The following SH3GL3 variants were observed in gnomAD, a reference collection of about 807,000 sequenced individuals.
The protein encoded by SH3GL3 is endophilin-A3.
SH3GL3 carries 33 observed loss-of-function variants against 47.7 expected under a neutral mutation model. The ratio of observed to expected loss-of-function variants is 0.69; its 90% CI spans 0.52 to 0.92. SH3GL3 has a LOEUF of 0.92. SH3GL3 is among the 40% of genes least tolerant of loss of function. The probability of loss-of-function intolerance (pLI) is 0.00; values close to 1 mark genes in which losing one functional copy is unlikely to be tolerated. For missense variants in SH3GL3, 363 were observed against 417.8 expected, an observed-to-expected ratio of 0.87 and a Z score of 1.14; for synonymous variants, 155 against 148.8, an observed-to-expected ratio of 1.04 and a Z score of -0.30.
the SH3GL3 span, among the ~76,000 whole-genome samples, chr15:83,625,582 G>T: frequency 6.6e-6 from 1 of 152,102 alleles, no homozygotes; most frequent in African/African-American, 2.4e-5. Context: ...TTCCAAGTTT[G>T]ATTCCAGCAT....
chr15:83,534,562 TG>T (rs1465108681), intron 1 of SH3GL3, among the ~76,000 whole-genome samples: 1 of 152,086 alleles, frequency 6.6e-6, no homozygotes, highest in Non-Finnish European at 1.5e-5. Context: ...AAAGAACACT[TG>T]ACTTCATAAA....
chr15:83,456,508 G>A (rs1228310236), intron 1 of SH3GL3, among the ~76,000 whole-genome samples: 31 of 75,076 alleles, frequency 4.1e-4, no homozygotes, highest in East Asian at 7.6e-4. Flanking sequence ...ATATAGTCTC[G>A]TGGTGCGCCG....
chr15:83,487,478 T>C (rs2151571358), intron 1 of SH3GL3, among the ~76,000 whole-genome samples: 1 of 152,314 alleles, frequency 6.6e-6, no homozygotes, highest in East Asian at 1.9e-4. Flanking sequence ...AATGTGCCCT[T>C]ATTTTCTGTT....
In SH3GL3 at chr15:83,576,727, T is replaced by G. The variant is rs770998694; in HGVS notation, c.610T>G (p.Phe204Val). Reference protein sequence around the residue: ...KELAERSMFNFLENDVEQVSQ... With the variant: ...KELAERSMFNVLENDVEQVSQ... ...GTTGGCTGAAAGAAGCATGTTTAAC[T>G]TTTTAGAAAATGATGTAAGTATTTA... Residue 204 changes from phenylalanine (F) to valine (V), a missense_variant, in exon 6 of 9, where the codon TTT (phenylalanine) becomes GTT (valine). Transcript: ENST00000427482. 1 of 1,602,832 alleles carries G rather than the reference T, an allele frequency of 6.2e-7. No homozygotes were observed. Among genetic ancestry groups the G allele is most frequent in the Non-Finnish European group, 8.5e-7 (1 of 1,175,264 alleles).
chr15:83,606,449 AT>A (rs537709408), intron 8 of SH3GL3, among the ~76,000 whole-genome samples: 3 of 152,178 alleles, frequency 2.0e-5, no homozygotes, highest in Non-Finnish European at 2.9e-5. Flanking sequence ...AATATATGCA[AT>A]TTTTTTAACC....
At chr15:83,519,184 A>T (rs1267194765) in intron 1 of SH3GL3, among the ~76,000 whole-genome samples, 1 of 152,172 alleles carries the variant, frequency 6.6e-6, no homozygotes, top group Non-Finnish European at 1.5e-5. Flanking sequence ...ACTTTAGAAT[A>T]GTTTTCTCTA....
intron 1 of SH3GL3, chr15:83,489,141 TC>T (rs768883227): frequency 5.9e-5 from 9 of 152,236 alleles, no homozygotes; most frequent in Non-Finnish European, 1.0e-4. Flanking sequence ...CTTCGTTTCT[TC>T]TGACGGCATT....
At chr15:83,469,897 T>C (rs1786182213) in intron 1 of SH3GL3, among the ~76,000 whole-genome samples, 1 of 152,238 alleles carries the variant, frequency 6.6e-6, no homozygotes, top group Admixed American at 6.5e-5. Flanking sequence ...CTAGTTCTAT[T>C]AATTGTTGAG....
At chr15:83,629,129 A>G in the SH3GL3 span, among the ~76,000 whole-genome samples, 4 of 152,362 alleles carry the variant, frequency 2.6e-5, no homozygotes, top group Admixed American at 6.5e-5. Context: ...TATACCATAT[A>G]TTGTTAAACT....
intron 1 of SH3GL3, among the ~76,000 whole-genome samples, chr15:83,465,314 T>C (rs1410140304): frequency 6.6e-6 from 1 of 151,284 alleles, no homozygotes; most frequent in African/African-American, 2.4e-5. Context: ...TGTCTCAAAA[T>C]AAATAAATAA....
intron 1 of SH3GL3, among the ~76,000 whole-genome samples, chr15:83,450,475 A>C (rs1039677108): frequency 6.6e-6 from 1 of 152,092 alleles, no homozygotes; most frequent in Non-Finnish European, 1.5e-5. Flanking sequence ...AATTAGCTAT[A>C]ACCCGGTTAA....
At chr15:83,512,647 C>T (rs1024275179) in intron 1 of SH3GL3, among the ~76,000 whole-genome samples, 7 of 152,060 alleles carry the variant, frequency 4.6e-5, no homozygotes, top group Admixed American at 1.3e-4. Context: ...CATCATCGCT[C>T]CCTAACCTCC....
In SH3GL3 at chr15:83,513,198, T is replaced by C. The variant is rs2042841154; in HGVS notation, c.46-46055T>C. 2.0e-5 allele frequency among the ~76,000 whole-genome samples: 3 copies of C among 152,204 alleles called. 1 individual carries two copies. The highest frequency in any genetic ancestry group is 2.0e-4 in the Admixed American group (3 of 15,274). On this transcript the variant is annotated intron_variant, in intron 1 of 8. Transcript: ENST00000427482. ...GAGAGGCGTGGGATTGGAAGGGTCT[T>C]TGAGAAGTTTTTTAATCGAGCTAGA...
intron 1 of SH3GL3, among the ~76,000 whole-genome samples, chr15:83,470,433 CA>C (rs1202446496): frequency 6.6e-6 from 1 of 152,072 alleles, no homozygotes; most frequent in East Asian, 1.9e-4. Context: ...CCACGTTGGC[CA>C]GGGGTTGGTC....
At chr15:83,632,289 C>G in the SH3GL3 span, among the ~76,000 whole-genome samples, 62,851 of 152,006 alleles carry the variant, frequency 0.41, 13,356 homozygotes, top group South Asian at 0.65. Context: ...GCCTGTTACC[C>G]AGTTCCAAAA....
chr15:83,510,724 A>G (rs1197642818), intron 1 of SH3GL3, among the ~76,000 whole-genome samples: 1 of 152,080 alleles, frequency 6.6e-6, no homozygotes, highest in African/African-American at 2.4e-5. Context: ...ATATACATGT[A>G]AAAGGGTCCA....
chr15:83,563,514 G>T (rs1300044095), intron 2 of SH3GL3, among the ~76,000 whole-genome samples: 68 of 152,236 alleles, frequency 4.5e-4, no homozygotes, highest in Non-Finnish European at 1.3e-4. Flanking sequence ...TATAATACCT[G>T]ATATTGAGTA....
intron 1 of SH3GL3, among the ~76,000 whole-genome samples, chr15:83,548,792 G>C (rs1248287621): frequency 1.3e-5 from 2 of 152,114 alleles, no homozygotes; most frequent in Non-Finnish European, 1.5e-5. Flanking sequence ...GGTATTCATA[G>C]AGAAGTTTCA....
chr15:83,502,581 C>T (rs2042339698), intron 1 of SH3GL3, among the ~76,000 whole-genome samples: 1 of 152,154 alleles, frequency 6.6e-6, no homozygotes, highest in Non-Finnish European at 1.5e-5. Flanking sequence ...TGTATTGAGG[C>T]AAAGTCTCAG....
Sources: gnomAD v4.1 joint callset for allele counts (sites outside exome capture counted in the v4.1 genomes callset) on GRCh38, gnomAD v4.1.1 for gene constraint, MANE v1.5 for transcripts, NCBI Gene and HGNC (gene_info 2026-07-23, HGNC 2026-07-21) for gene names.